CAMTA1: variants seen among roughly 807,000 people sequenced by gnomAD.
CAMTA1 encodes the protein calmodulin-binding transcription activator 1.
A neutral mutation model predicts 170.9 loss-of-function variants in CAMTA1; 27 were observed. The observed-to-expected ratio is 0.16, with a 90% CI of 0.12 to 0.22. The LOEUF (loss-of-function observed/expected upper bound fraction) is 0.22. Ranked by LOEUF, CAMTA1 falls within the 10% of genes least tolerant of loss-of-function variation. The pLI is 1.00. For missense variants in CAMTA1, 1,619 were observed against 2,217.2 expected (o/e 0.73, Z 5.42); for synonymous variants, 833 against 891.5 (o/e 0.93, Z 1.17).
At chr1:7,689,261 C>T (rs1290565538) in intron 11 of CAMTA1, among the ~76,000 whole-genome samples, 1 of 120,356 alleles carries the variant, frequency 8.3e-6, no homozygotes, top group Admixed American at 8.9e-5. Flanking sequence ...AAGTGAAACT[C>T]CTTCTCAAAA....
intron 3 of CAMTA1, among the ~76,000 whole-genome samples, chr1:6,848,133 C>T (rs1041880400): frequency 2.6e-5 from 4 of 152,046 alleles, no homozygotes; most frequent in Admixed American, 6.6e-5. Context: ...TGAGCCACCA[C>T]ACCAGCCTGG....
chr1:7,486,924 C>G (rs569033089), intron 6 of CAMTA1, among the ~76,000 whole-genome samples: 1 of 152,324 alleles, frequency 6.6e-6, no homozygotes, highest in Non-Finnish European at 1.5e-5. Context: ...CTACCCCTGA[C>G]TTCTCTAGGG....
intron 4 of CAMTA1, among the ~76,000 whole-genome samples, chr1:7,160,532 T>C (rs1439456150): frequency 6.6e-6 from 1 of 152,132 alleles, no homozygotes; most frequent in African/African-American, 2.4e-5. Flanking sequence ...TTCCTGGCTT[T>C]CCTTCCAACT....
At chr1:6,886,626 TTC>T (rs2149108066) in intron 3 of CAMTA1, among the ~76,000 whole-genome samples, 1 of 152,356 alleles carries the variant, frequency 6.6e-6, no homozygotes, top group South Asian at 2.1e-4. Context: ...TGTGCTGATA[TTC>T]AGTTGATTTG....
chr1:6,872,587 A>G (rs1668707018), intron 3 of CAMTA1, among the ~76,000 whole-genome samples: 1 of 152,210 alleles, frequency 6.6e-6, no homozygotes, highest in African/African-American at 2.4e-5. Flanking sequence ...CAGCCCTGGT[A>G]GTCTCAATAC....
At chr1:7,403,518 C>T (rs2090066009) in intron 5 of CAMTA1, among the ~76,000 whole-genome samples, 1 of 152,094 alleles carries the variant, frequency 6.6e-6, no homozygotes. Context: ...AGATGTAACA[C>T]TAGGCTTTCA....
chr1:7,609,042 G>A lies in CAMTA1; in HGVS notation c.511-31358G>A, dbSNP rs1485908623. ...GATTGGAAAGGAGTCTCCTGATGCAGGCTGGGCCCCCCGCAGGGGTGGGGG... is the reference window on the plus strand; with the variant it reads ...GATTGGAAAGGAGTCTCCTGATGCAAGCTGGGCCCCCCGCAGGGGTGGGGG... On this transcript the variant is annotated intron_variant, in intron 6 of 22. Coordinates refer to ENST00000303635, the MANE Select transcript of CAMTA1 (RefSeq NM_015215.4). The surrounding 1 kb of genome is among the most constrained non-coding windows in gnomAD (Gnocchi z 4.4). 6.6e-6 allele frequency among the ~76,000 whole-genome samples: 1 copy of A among 152,132 alleles called. No individual in the cohort carries two copies. The highest frequency in any genetic ancestry group is 1.5e-5 in the Non-Finnish European group (1 of 68,002).
chr1:7,172,364 G>T (rs537674034), intron 4 of CAMTA1, among the ~76,000 whole-genome samples: 1 of 152,322 alleles, frequency 6.6e-6, no homozygotes, highest in East Asian at 1.9e-4. Flanking sequence ...TGGCCAGACT[G>T]CTCTTGGACT....
chr1:6,986,382 GT>G (rs1404148809), intron 3 of CAMTA1, among the ~76,000 whole-genome samples: 2 of 152,194 alleles, frequency 1.3e-5, no homozygotes, highest in Non-Finnish European at 2.9e-5. Flanking sequence ...GACAGAGGGA[GT>G]TTTGGGGAGG....
rs1401577997 is a variant in CAMTA1 at position 7,293,868 on chromosome 1, T to G, written c.438+44242T>G. On this transcript the variant is annotated intron_variant, in intron 5 of 22. Coordinates refer to ENST00000303635, the MANE Select transcript of CAMTA1 (RefSeq NM_015215.4). This position sits in a 1 kb window ranked among gnomAD's most constrained non-coding sequence, Gnocchi z 4.1. Reference sequence around the variant, plus strand: ...TGCCCCGGGGGGCCTCTTTGGAGCCTGTTGGAGGAGATTTTGTAGTAATGA... The same window carrying G: ...TGCCCCGGGGGGCCTCTTTGGAGCCGGTTGGAGGAGATTTTGTAGTAATGA... 6.6e-6 allele frequency among the ~76,000 whole-genome samples: 1 copy of G among 152,238 alleles called. No homozygotes were observed. The highest frequency in any genetic ancestry group is 1.5e-5 in the Non-Finnish European group (1 of 68,048).
At chr1:7,316,091 C>T (rs1035543126) in intron 5 of CAMTA1, among the ~76,000 whole-genome samples, 6 of 152,288 alleles carry the variant, frequency 3.9e-5, no homozygotes, top group Non-Finnish European at 8.8e-5. Flanking sequence ...ACCGTCAAAT[C>T]TCATGAGAAC....
At chr1:6,800,297 C>G (rs1216996013) in intron 1 of CAMTA1, among the ~76,000 whole-genome samples, 3 of 151,970 alleles carry the variant, frequency 2.0e-5, no homozygotes, top group African/African-American at 7.3e-5. Context: ...ATCCCAGGTA[C>G]CTGGGAGGCT....
chr1:7,460,570 G>A (rs2093059963), intron 5 of CAMTA1, among the ~76,000 whole-genome samples: 1 of 146,596 alleles, frequency 6.8e-6, no homozygotes, highest in Admixed American at 6.9e-5. Flanking sequence ...GGTCCAGGAT[G>A]CCCCGTTCTG....
chr1:7,320,369 A>G (rs141333835), intron 5 of CAMTA1, among the ~76,000 whole-genome samples: 1 of 152,366 alleles, frequency 6.6e-6, no homozygotes, highest in East Asian at 1.9e-4. Context: ...TTCTGATTGA[A>G]ATAGAAGAGA....
At chr1:7,417,743 G>T (rs1038048433) in intron 5 of CAMTA1, among the ~76,000 whole-genome samples, 1 of 152,152 alleles carries the variant, frequency 6.6e-6, no homozygotes, top group African/African-American at 2.4e-5. Context: ...GCAATGCCTC[G>T]CTGTGCTTCG....
intron 6 of CAMTA1, among the ~76,000 whole-genome samples, chr1:7,557,273 A>G (rs1200444058): frequency 1.3e-5 from 2 of 150,458 alleles, no homozygotes; most frequent in Non-Finnish European, 3.0e-5. Context: ...ACGCCACTGC[A>G]CTCCAGCCTG....
chr1:6,796,132 C>CTTTTTTTTTTTTTT (rs978363793), intron 1 of CAMTA1, among the ~76,000 whole-genome samples: 1 of 70,948 alleles, frequency 1.4e-5, no homozygotes, highest in African/African-American at 5.9e-5. Context: ...AATAGCATTT[C>CTTTTTTTTTTTTTT]TTTTTTTTTT....
intron 5 of CAMTA1, among the ~76,000 whole-genome samples, chr1:7,442,253 G>A (rs1054306490): frequency 5.3e-5 from 8 of 152,148 alleles, no homozygotes; most frequent in African/African-American, 1.9e-4. Flanking sequence ...TAATCTGAGC[G>A]GGATTATAAA....
intron 11 of CAMTA1, among the ~76,000 whole-genome samples, chr1:7,706,474 T>C (rs763951881): frequency 6.6e-6 from 1 of 152,206 alleles, no homozygotes; most frequent in Non-Finnish European, 1.5e-5. Flanking sequence ...ATCGAGAAAC[T>C]ATTGCTGGGA....
Sources: allele counts gnomAD v4.1 joint callset (sites outside exome capture counted in the v4.1 genomes callset), GRCh38; gene constraint gnomAD v4.1.1; non-coding constraint Gnocchi (gnomAD v3.1); transcripts MANE v1.5; gene names NCBI Gene and HGNC (gene_info 2026-07-23, HGNC 2026-07-21).